The following SLC25A27 variants were observed in gnomAD, a reference collection of about 807,000 sequenced individuals.
The protein encoded by SLC25A27 is solute carrier family 25 member 27, also known as mitochondrial uncoupling protein 4.
In SLC25A27, 35 loss-of-function variants were observed where a neutral mutation model predicts 49.1. That is an observed-to-expected ratio of 0.71 (90% CI 0.54 to 0.95). SLC25A27 has a LOEUF of 0.95. Among genes scored for constraint, SLC25A27 ranks in the 40% least tolerant of loss-of-function variants. The pLI, the probability that SLC25A27 is intolerant of heterozygous loss-of-function variation, is 0.00. For missense variants in SLC25A27, 339 were observed against 397.1 expected (o/e 0.85, Z 1.24); for synonymous variants, 144 against 136.9 (o/e 1.05, Z -0.36).
chr6:46,653,225 G>T lies in SLC25A27; in HGVS notation c.33G>T (p.Leu11Phe), dbSNP rs1254072537. The change falls in exon 1 of 9, where the codon TTG becomes TTT. Residue 11 changes from leucine to phenylalanine, a missense_variant. Transcript: ENST00000371347. The part of the protein sequence containing the change: MSVPEEEERL[L>F]PLTQRWPRAS... The stretch of plus-strand genomic sequence containing the variant: ...TCCCGGAGGAGGAGGAGAGGCTTTT[G>T]CCGCTGACCCAGAGATGGCCCCGAG... The T allele has an allele frequency of 6.2e-7, 1 of 1,613,576 alleles. No individual in the cohort carries two copies. The highest frequency in any genetic ancestry group is 1.3e-5 in the African/African-American group (1 of 74,928).
rs1180651677 is a variant in SLC25A27, at chr6:46,653,093, G to T, written c.-100G>T. On this transcript the variant is annotated 5_prime_UTR_variant, in exon 1 of 9. Transcript: ENST00000371347. ...GGAAATGGTCCTCACCCGGCCACTC[G>T]CCGGTTGAAAAGGGGCCGCCCTGGC... is the stretch of plus-strand genomic sequence containing the variant. 11 of 1,147,770 alleles carry T rather than the reference G, an allele frequency of 9.6e-6. No homozygotes were observed. Among genetic ancestry groups the T allele is most frequent in the Non-Finnish European group, 1.4e-5 (11 of 786,052 alleles). The allele number at this position is 1,147,770 out of a possible 1,614,324, so 71.1% of individuals were successfully genotyped here.
chr6:46,663,279 C>G (rs1763222932), intron 4 of SLC25A27, among the ~76,000 whole-genome samples: 1 of 152,088 alleles, frequency 6.6e-6, no homozygotes, highest in African/African-American at 2.4e-5. Context: ...GTGAACACTC[C>G]AGGTCTGCAG....
chr6:46,665,133 A>G (rs1229084149), intron 5 of SLC25A27, among the ~76,000 whole-genome samples: 2 of 152,190 alleles, frequency 1.3e-5, no homozygotes, highest in East Asian at 1.9e-4. Flanking sequence ...ATAAGGACAC[A>G]AGGCTAAACT....
intron 5 of SLC25A27, among the ~76,000 whole-genome samples, chr6:46,666,824 C>G (rs1763340973): frequency 6.6e-6 from 1 of 151,980 alleles, no homozygotes; most frequent in African/African-American, 2.4e-5. Flanking sequence ...ACCACTCTCT[C>G]AGCTGTACAA....
At chr6:46,660,230 C>CTGTGTGTGTGTG (rs140354056) in intron 3 of SLC25A27, among the ~76,000 whole-genome samples, 7,665 of 147,094 alleles carry the variant, frequency 0.052, 436 homozygotes, top group African/African-American at 0.14. Flanking sequence ...ACCTCTGTGT[C>CTGTGTGTGTGTG]TGTGTGTGTG....
Position 46,678,176 on chromosome 6 carries a change from A to T in SLC25A27, c.*1722A>T, listed in dbSNP as rs918031364. On this transcript the variant is annotated 3_prime_UTR_variant, in exon 9 of 9. Coordinates refer to ENST00000371347, the MANE Select transcript of SLC25A27 (RefSeq NM_004277.5). ...AGACTGGATCAAAATAATTGCATCC[A>T]ACCTGGACCGTGAACAATTGATTTA... 3.9e-5 allele frequency: 6 copies of T among 151,938 alleles called. No homozygotes were observed. The highest frequency in any genetic ancestry group is 3.9e-4 in the Admixed American group (6 of 15,276). 9.4% of individuals were successfully genotyped at this position (151,938 alleles called of 1,614,324 possible).
At chr6:46,655,772 C>T (rs1490549975) in intron 1 of SLC25A27, 71 bp from the exon 2 acceptor site, 2 of 1,296,244 alleles carry the variant, frequency 1.5e-6, no homozygotes, top group East Asian at 2.4e-5. Context: ...AAATATTACT[C>T]CTATGATTTT....
chr6:46,676,415 T>G lies in SLC25A27; in HGVS notation c.933T>G (p.Tyr311Ter). ...TPWSMVFWLT[Y>*]EKIREMSGVS... ...GGTCAATGGTGTTCTGGCTTACTTA[T>G]GAAAAAATCAGAGAGATGAGTGGAG... The change falls in exon 9 of 9, where the codon TAT becomes TAG. Residue 311 changes from tyrosine (Y) to a stop codon, truncating the protein, a stop_gained. Coordinates refer to ENST00000371347, the MANE Select transcript of SLC25A27 (RefSeq NM_004277.5). LOFTEE classifies it high-confidence loss of function. 4 of 1,614,034 alleles carry G rather than the reference T, an allele frequency of 2.5e-6. No homozygotes were observed. Among genetic ancestry groups the G allele is most frequent in the Non-Finnish European group, 3.4e-6 (4 of 1,179,912 alleles).
chr6:46,653,271 G>C lies in SLC25A27; in HGVS notation c.79G>C (p.Gly27Arg), dbSNP rs2150625844. 1 of 1,613,126 alleles carries C rather than the reference G, an allele frequency of 6.2e-7. No homozygotes were observed. The highest frequency in any genetic ancestry group is 1.1e-5 in the South Asian group (1 of 90,974). Reference protein sequence around the residue: ...WPRASKFLLSGCAATVAELAT... With the variant: ...WPRASKFLLSRCAATVAELAT... ...CCGAGCGAGCAAATTCCTACTGTCCGGCTGCGCGGCTACCGTGGCCGAGCT... is the reference window on the plus strand; with the variant it reads ...CCGAGCGAGCAAATTCCTACTGTCCCGCTGCGCGGCTACCGTGGCCGAGCT... Residue 27 changes from glycine to arginine, a missense_variant, in exon 1 of 9, where the codon GGC becomes CGC. Transcript: ENST00000371347.
intron 5 of SLC25A27, among the ~76,000 whole-genome samples, chr6:46,666,098 T>C (rs1258550549): frequency 6.6e-6 from 1 of 152,204 alleles, no homozygotes; most frequent in African/African-American, 2.4e-5. Flanking sequence ...TTTTCTGTCC[T>C]TTTCCCTCCT....
rs531521297 is a variant in SLC25A27, at chr6:46,653,248, G to A, written c.56G>A (p.Arg19Gln). The change falls in exon 1 of 9, where the codon CGA becomes CAA. Residue 19 changes from arginine to glutamine, a missense_variant. Coordinates refer to ENST00000371347, the MANE Select transcript of SLC25A27 (RefSeq NM_004277.5). ...RLLPLTQRWP[R>Q]ASKFLLSGCA... ...TTGCCGCTGACCCAGAGATGGCCCC[G>A]AGCGAGCAAATTCCTACTGTCCGGC... 4.0e-5 allele frequency: 65 copies of A among 1,613,682 alleles called. 1 individual carries two copies. In the South Asian group the frequency reaches 6.6e-4, roughly 16 times the overall value.
intron 1 of SLC25A27, 104 bp downstream of exon 1, chr6:46,653,402 C>A: frequency 6.9e-7 from 1 of 1,450,168 alleles, no homozygotes; most frequent in South Asian, 1.5e-5. Context: ...TCGGAGAGGT[C>A]GCCCCTTCCA....
In SLC25A27 at chr6:46,671,143, C is replaced by A; in HGVS notation, c.815C>A (p.Ser272Ter). The A allele has an allele frequency of 6.3e-7, 1 of 1,598,748 alleles. No homozygotes were observed. Among genetic ancestry groups the A allele is most frequent in the East Asian group, 2.3e-5 (1 of 43,822 alleles). The change falls in exon 8 of 9, where the codon TCA (serine) becomes TAA (stop). Residue 272 changes from serine (S) to a stop codon, truncating the protein, a stop_gained. Coordinates refer to ENST00000371347, the MANE Select transcript of SLC25A27 (RefSeq NM_004277.5). LOFTEE classifies it high-confidence loss of function. ...DKQGRGLLYKSSTDCLIQAVQ... is the reference protein window; with the variant it reads ...DKQGRGLLYK The stretch of plus-strand genomic sequence containing the variant: ...CTTTTTAGGGGACTTTTGTATAAAT[C>A]ATCGACTGACTGCTTGATTCAGGCT...
Position 46,676,955 on chromosome 6 carries a change from A to T in SLC25A27, c.*501A>T. 1 of 373,482 alleles carries T rather than the reference A, an allele frequency of 2.7e-6. No homozygotes were observed. The highest frequency in any genetic ancestry group is 4.8e-6 in the Non-Finnish European group (1 of 209,644). 23.1% of individuals were successfully genotyped at this position (373,482 alleles called of 1,614,324 possible). A position where few individuals can be genotyped will look rare whatever the true frequency, so the allele number is the denominator to read the frequency against. ...GTCATTGTTAAAGCGTACATACTGT[A>T]AATTAAAGGGAGGTGAATGGAAATT... is the stretch of plus-strand genomic sequence containing the variant. On this transcript the variant is annotated 3_prime_UTR_variant, in exon 9 of 9. Coordinates refer to ENST00000371347, the MANE Select transcript of SLC25A27 (RefSeq NM_004277.5).
In SLC25A27 at chr6:46,676,463, A is replaced by G. The variant is rs1235432889; in HGVS notation, c.*9A>G. ...GAGTCAGTCCATTTTAAACCCCTAA[A>G]GATGCAACCCTTAAAGATACAGTGT... On this transcript the variant is annotated 3_prime_UTR_variant, in exon 9 of 9. Transcript: ENST00000371347. 6.2e-7 allele frequency: 1 copy of G among 1,613,972 alleles called. No individual in the cohort carries two copies. Among genetic ancestry groups the G allele is most frequent in the South Asian group, 1.1e-5 (1 of 91,068 alleles).
At chr6:46,653,920 G>C (rs1294911231) in intron 1 of SLC25A27, 1 of 922,942 alleles carries the variant, frequency 1.1e-6, no homozygotes, top group African/African-American at 1.8e-5. Context: ...ATATATATTT[G>C]AAAAGACCCA....
chr6:46,670,094 ACTACATAC>A (rs1165673623), intron 6 of SLC25A27, 33 bp from the exon 7 acceptor site: 1 of 1,328,132 alleles, frequency 7.5e-7, no homozygotes. Flanking sequence ...GCTACAAACT[ACTACATAC>A]CATCTTTCAA....
At chr6:46,658,480 A>C (rs1176127955) in intron 2 of SLC25A27, 6 of 445,278 alleles carry the variant, frequency 1.3e-5, no homozygotes, top group Non-Finnish European at 2.7e-5. Flanking sequence ...TAAATTCTCC[A>C]ATGAAATTAT....
chr6:46,675,334 C>T (rs1763732778), intron 8 of SLC25A27, among the ~76,000 whole-genome samples: 1 of 152,134 alleles, frequency 6.6e-6, no homozygotes, highest in Non-Finnish European at 1.5e-5. Flanking sequence ...CCTTCTTCAT[C>T]CAACTCCAAG....
Sources: gnomAD v4.1 joint callset for allele counts (sites outside exome capture counted in the v4.1 genomes callset) on GRCh38, gnomAD v4.1.1 for gene constraint, MANE v1.5 for transcripts, NCBI Gene and HGNC (gene_info 2026-07-23, HGNC 2026-07-21) for gene names.